Variants in THNSL2 observed in about 807,000 individuals in gnomAD.
THNSL2 encodes the protein threonine synthase like 2.
In THNSL2, 34 loss-of-function variants were observed where a neutral mutation model predicts 40.0. The ratio of observed to expected loss-of-function variants is 0.85; its 90% confidence interval spans 0.65 to 1.13. The LOEUF (loss-of-function observed/expected upper bound fraction) is 1.13, where lower values mean the gene tolerates loss of function less well. THNSL2 is among the 50% of genes most tolerant of loss of function. The pLI is 0.00. For synonymous variants in THNSL2, 241 were observed against 247.5 expected (o/e 0.97, Z 0.25); for missense variants, 537 against 608.8 (o/e 0.88, Z 1.24).
rs150966723 is a variant in THNSL2, at chr2:88,178,826, G to A, written c.615G>A (p.Val205=). 2.2e-5 allele frequency: 36 copies of A among 1,614,014 alleles called. No homozygotes were observed. Among genetic ancestry groups the A allele is most frequent in the Non-Finnish European group, 3.1e-5 (36 of 1,180,008 alleles). The part of the protein sequence containing the change: ...SDELDEPIKT[V]FADVAFVKKH... ...AGCTCGATGAGCCGATCAAGACTGT[G>A]TTTGCCGATGTGGCTTTTGTCAAGA... The change falls in exon 5 of 9, where the codon GTG becomes GTA. Residue 205 remains valine (V), a synonymous_variant. Transcript: ENST00000674334.
Position 88,185,932 on chromosome 2 carries a change from G to A in THNSL2, c.1264G>A (p.Ala422Thr), listed in dbSNP as rs993100803. Residue 422 changes from alanine to threonine, a missense_variant, in exon 9 of 9, where the codon GCC (alanine) becomes ACC (threonine). Ala to Thr is a moderately conservative substitution (Grantham distance 58, BLOSUM62 0). Transcript: ENST00000674334. ...GTGCTGCCTCGCCCCTGCCTCTGCAGCCAAGTTCCCGGAAGCTGTCCTGGC... is the reference window on the plus strand; with the variant it reads ...GTGCTGCCTCGCCCCTGCCTCTGCAACCAAGTTCCCGGAAGCTGTCCTGGC... ...PRCCLAPASAAKFPEAVLAAG... is the reference protein window; with the variant it reads ...PRCCLAPASATKFPEAVLAAG... 18 of 1,611,202 alleles carry A rather than the reference G, an allele frequency of 1.1e-5. No homozygotes were observed. Among genetic ancestry groups the A allele is most frequent in the Non-Finnish European group, 1.4e-5 (17 of 1,179,206 alleles).
intron 5 of THNSL2, among the ~76,000 whole-genome samples, chr2:88,179,335 C>T (rs960499818): frequency 6.6e-6 from 1 of 152,232 alleles, no homozygotes; most frequent in Non-Finnish European, 1.5e-5. Context: ...GCAGTGCCCT[C>T]AATCAGAAAT....
intron 5 of THNSL2, among the ~76,000 whole-genome samples, chr2:88,180,176 G>A (rs1001628760): frequency 2.0e-5 from 3 of 152,204 alleles, no homozygotes; most frequent in Non-Finnish European, 2.9e-5. Context: ...CACAGTGCTC[G>A]ATACAAAATA....
chr2:88,181,574 T>C (rs1469008932), intron 5 of THNSL2, among the ~76,000 whole-genome samples: 2 of 123,364 alleles, frequency 1.6e-5, no homozygotes, highest in African/African-American at 6.0e-5. Flanking sequence ...TCTCTCTTGC[T>C]GTGTGTGTGT....
intron 1 of THNSL2, 54 bp from the exon 2 acceptor site, chr2:88,173,085 G>T: frequency 7.6e-7 from 1 of 1,315,414 alleles, no homozygotes; most frequent in Non-Finnish European, 1.0e-6. Flanking sequence ...GGCTTTGCCC[G>T]GTGGGGTGTG....
Position 88,178,836 on chromosome 2 carries a change from G to A in THNSL2, c.625G>A (p.Val209Met), listed in dbSNP as rs1461003568. The A allele has an allele frequency of 7.4e-6, 12 of 1,614,186 alleles. No individual in the cohort carries two copies. The highest frequency in any genetic ancestry group is 8.5e-6 in the Non-Finnish European group (10 of 1,180,030). ...DEPIKTVFAD[V>M]AFVKKHNLMS... ...GCCGATCAAGACTGTGTTTGCCGAT[G>A]TGGCTTTTGTCAAGAAGCACAATCT... Residue 209 changes from valine (V) to methionine (M), a missense_variant, in exon 5 of 9, where the codon GTG becomes ATG. Transcript: ENST00000674334.
At chr2:88,173,029 C>A in intron 1 of THNSL2, 110 bp from the exon 2 acceptor site, 1 of 626,510 alleles carries the variant, frequency 1.6e-6, no homozygotes. Flanking sequence ...ACATGTGCCC[C>A]GGAGACTGGT....
intron 3 of THNSL2, 24 bp downstream of exon 3, chr2:88,174,857 A>G (rs752955816): frequency 6.2e-7 from 1 of 1,610,660 alleles, no homozygotes; most frequent in Non-Finnish European, 8.5e-7. Context: ...GCACAAACGC[A>G]GAATACCTGA....
chr2:88,178,746 G>T (rs374013077), intron 4 of THNSL2, 37 bp from the exon 5 acceptor site: 195 of 1,611,446 alleles, frequency 1.2e-4, no homozygotes, highest in Non-Finnish European at 1.5e-4. Context: ...GGTTCTACAT[G>T]CTCCTGACAG....
At chr2:88,183,988 G>A (rs1387323611) in intron 7 of THNSL2, among the ~76,000 whole-genome samples, 1 of 152,144 alleles carries the variant, frequency 6.6e-6, no homozygotes, top group Non-Finnish European at 1.5e-5. Context: ...AGTGTTTCCA[G>A]TATTTAGAGA....
At chr2:88,180,940 A>G (rs1677476201) in intron 5 of THNSL2, among the ~76,000 whole-genome samples, 1 of 152,098 alleles carries the variant, frequency 6.6e-6, no homozygotes. Context: ...TGGACAGGTC[A>G]TTTAGACCTC....
At chr2:88,182,536 CCATTCT>C in intron 5 of THNSL2, 157 bp from the exon 6 acceptor site, 1 of 681,246 alleles carries the variant, frequency 1.5e-6, no homozygotes, top group Non-Finnish European at 2.2e-6. Context: ...GCATTTTTCC[CCATTCT>C]GCGAGTTGCC....
chr2:88,171,945 A>G (rs911450384), intron 1 of THNSL2: 1 of 152,328 alleles, frequency 6.6e-6, no homozygotes, highest in Non-Finnish European at 1.5e-5. Flanking sequence ...AGCCCACGTG[A>G]GACTTGCACG....
chr2:88,174,907 C>A, intron 3 of THNSL2, 74 bp downstream of exon 3: 1 of 1,512,146 alleles, frequency 6.6e-7, no homozygotes, highest in Non-Finnish European at 9.1e-7. Flanking sequence ...GGATGCTGTT[C>A]ATAGAGCCAC....
In THNSL2 at chr2:88,174,645, T is replaced by C. The variant is rs752277311; in HGVS notation, c.230T>C (p.Ile77Thr). 1.2e-6 allele frequency: 2 copies of C among 1,613,926 alleles called. No individual in the cohort carries two copies. The highest frequency in any genetic ancestry group is 1.1e-5 in the South Asian group (1 of 91,060). The change falls in exon 3 of 9, where the codon ATC (isoleucine) becomes ACC (threonine). Residue 77 changes from isoleucine to threonine, a missense_variant. Coordinates refer to ENST00000674334, the MANE Select transcript of THNSL2 (RefSeq NM_018271.5). ...CACCCCACTACCCTCACAGATCTGATCGACCGAGCCTTCAGCAGATTCCGT... is the reference window on the plus strand; with the variant it reads ...CACCCCACTACCCTCACAGATCTGACCGACCGAGCCTTCAGCAGATTCCGT... Reference protein sequence around the residue: ...LLPKDELNDLIDRAFSRFRHR... With the variant: ...LLPKDELNDLTDRAFSRFRHR...
chr2:88,171,362 C>T, intron 1 of THNSL2: 1 of 456,050 alleles, frequency 2.2e-6, no homozygotes, highest in South Asian at 1.6e-5. Flanking sequence ...CCCGTGCCAG[C>T]CCCTCTGTCC....
chr2:88,178,669 C>T lies in THNSL2; in HGVS notation c.572-114C>T, dbSNP rs929100188. 26 of 1,072,554 alleles carry T rather than the reference C, an allele frequency of 2.4e-5. 1 individual carries two copies. The highest frequency in any genetic ancestry group is 3.9e-5 in the Admixed American group (2 of 51,240). 66.4% of individuals were successfully genotyped at this position (1,072,554 alleles called of 1,614,324 possible). ...TGAAAGTAAAGAAACCTAGGCTGCGCGAAGGTCCCAGGAGGGTGGGCTCAG... is the reference window on the plus strand; with the variant it reads ...TGAAAGTAAAGAAACCTAGGCTGCGTGAAGGTCCCAGGAGGGTGGGCTCAG... On this transcript the variant is annotated intron_variant, in intron 4 of 8. Transcript: ENST00000674334.
At chr2:88,185,526 A>G (rs566118218) in intron 8 of THNSL2, 47 bp downstream of exon 8, 55 of 1,564,828 alleles carry the variant, frequency 3.5e-5, no homozygotes, top group Admixed American at 9.6e-5. Context: ...TTTGAATTTC[A>G]GGGGCCCTCT....
intron 5 of THNSL2, 31 bp from the exon 6 acceptor site, chr2:88,182,668 A>C (rs755259685): frequency 3.4e-6 from 5 of 1,478,056 alleles, no homozygotes; most frequent in Non-Finnish European, 4.5e-6. Flanking sequence ...ATTTCTAAAA[A>C]GCCATTGTTC....
Sources: allele counts gnomAD v4.1 joint callset (sites outside exome capture counted in the v4.1 genomes callset), GRCh38; gene constraint gnomAD v4.1.1; transcripts MANE v1.5; gene names NCBI Gene and HGNC (gene_info 2026-07-23, HGNC 2026-07-21).